Variants in ULK4 observed in about 807,000 individuals in gnomAD.
ULK4 encodes the protein inactive serine/threonine-protein kinase ULK4.
ULK4 carries 133 observed loss-of-function variants against 160.6 expected under a neutral mutation model. The ratio of observed to expected loss-of-function variants is 0.83; its 90% confidence interval spans 0.72 to 0.96. The LOEUF (loss-of-function observed/expected upper bound fraction) is 0.96. Ranked by LOEUF, ULK4 falls within the 40% of genes least tolerant of loss-of-function variation. The pLI, the probability that ULK4 is intolerant of heterozygous loss-of-function variation, is 0.00. For missense variants in ULK4, 1,580 were observed against 1,499.5 expected, an observed-to-expected ratio of 1.05 and a Z score of -0.89; for synonymous variants, 534 against 539.8, an observed-to-expected ratio of 0.99 and a Z score of 0.15.
intron 32 of ULK4, among the ~76,000 whole-genome samples, chr3:41,556,112 C>A (rs1186096730): frequency 6.6e-6 from 1 of 152,112 alleles, no homozygotes; most frequent in African/African-American, 2.4e-5. Flanking sequence ...ATAATCTGTA[C>A]AATAAACCCC....
intron 20 of ULK4, among the ~76,000 whole-genome samples, chr3:41,791,919 C>T (rs1286432131): frequency 6.6e-6 from 1 of 152,150 alleles, no homozygotes; most frequent in Non-Finnish European, 1.5e-5. Context: ...ATCACTGACT[C>T]CATTTCAAAC....
rs139757371 is a variant in ULK4 at position 41,729,516 on chromosome 3, C to T, written c.2322-11655G>A. On this transcript the variant is annotated intron_variant, in intron 22 of 36. Coordinates refer to ENST00000301831, the MANE Select transcript of ULK4 (RefSeq NM_017886.4). ...GGACCCAATAGCCACTGTATCTCCC[C>T]ACCCCAAAGGCTCCACAATACTCAA... 8.1e-4 allele frequency among the ~76,000 whole-genome samples: 123 copies of T among 152,332 alleles called. 1 individual carries two copies. Among genetic ancestry groups the T allele is most frequent in the African/African-American group, 2.8e-3 (117 of 41,570 alleles).
chr3:41,844,857 C>G (rs1199902415), intron 17 of ULK4, among the ~76,000 whole-genome samples: 3 of 151,306 alleles, frequency 2.0e-5, no homozygotes, highest in Non-Finnish European at 4.4e-5. Flanking sequence ...AATTGCACTC[C>G]TGAGCATTTA....
intron 35 of ULK4, among the ~76,000 whole-genome samples, chr3:41,292,812 T>G (rs1019509442): frequency 1.3e-5 from 2 of 151,548 alleles, no homozygotes; most frequent in African/African-American, 4.9e-5. Context: ...GGTGTGGTGG[T>G]GCATGTCTGT....
intron 18 of ULK4, among the ~76,000 whole-genome samples, chr3:41,824,033 T>C (rs1404568315): frequency 1.3e-5 from 2 of 151,822 alleles, no homozygotes; most frequent in Non-Finnish European, 2.9e-5. Flanking sequence ...TGTGGTGGTG[T>C]ACACTTGAAG....
intron 30 of ULK4, among the ~76,000 whole-genome samples, chr3:41,623,383 C>G (rs544577419): frequency 9.9e-5 from 15 of 152,198 alleles, no homozygotes; most frequent in African/African-American, 3.6e-4. Context: ...CTTAGAAAGT[C>G]CACCTTGATG....
intron 33 of ULK4, among the ~76,000 whole-genome samples, chr3:41,462,603 G>C (rs1298560948): frequency 6.6e-6 from 1 of 152,110 alleles, no homozygotes; most frequent in Non-Finnish European, 1.5e-5. Context: ...CAAGTCCATG[G>C]TATCAGTCAT....
At chr3:41,927,129 C>T (rs149060410) in intron 5 of ULK4, among the ~76,000 whole-genome samples, 13 of 152,268 alleles carry the variant, frequency 8.5e-5, no homozygotes, top group African/African-American at 3.1e-4. Flanking sequence ...AAGGGAAGCC[C>T]ATCAGACTAA....
intron 22 of ULK4, among the ~76,000 whole-genome samples, chr3:41,752,794 T>C (rs1320497252): frequency 1.3e-5 from 2 of 152,220 alleles, no homozygotes; most frequent in African/African-American, 4.8e-5. Flanking sequence ...ACACTAACTT[T>C]GATCCCCAAT....
intron 22 of ULK4, among the ~76,000 whole-genome samples, chr3:41,732,983 A>C (rs542007560): frequency 2.0e-5 from 3 of 152,258 alleles, no homozygotes; most frequent in South Asian, 4.1e-4. Context: ...GAGGACAGGG[A>C]AAGTTTGTAC....
chr3:41,809,376 TAA>T (rs34440764), intron 19 of ULK4, among the ~76,000 whole-genome samples: 18,792 of 150,464 alleles, frequency 0.12, 1,336 homozygotes, highest in Middle Eastern at 0.27. Context: ...TAAAATATGT[TAA>T]AAAAAAAATC....
At chr3:41,249,608 C>T (rs1466476196) in intron 35 of ULK4, 34 bp from the exon 36 acceptor site, 1 of 1,600,338 alleles carries the variant, frequency 6.2e-7, no homozygotes, top group Admixed American at 1.7e-5. Context: ...CAGTGGTCAG[C>T]TGACCCGTCC....
intron 30 of ULK4, among the ~76,000 whole-genome samples, chr3:41,657,341 A>G (rs953920094): frequency 5.3e-5 from 8 of 152,230 alleles, no homozygotes; most frequent in Non-Finnish European, 1.0e-4. Context: ...TAGTTATTAC[A>G]TGGTACTCTA....
intron 32 of ULK4, among the ~76,000 whole-genome samples, chr3:41,516,360 A>G (rs977530845): frequency 3.3e-5 from 5 of 152,202 alleles, no homozygotes; most frequent in Non-Finnish European, 7.3e-5. Flanking sequence ...CTTTTCAGCT[A>G]TTAAAACCAA....
chr3:41,555,336 C>A (rs1057252813), intron 32 of ULK4, among the ~76,000 whole-genome samples: 1 of 149,862 alleles, frequency 6.7e-6, no homozygotes, highest in African/African-American at 2.4e-5. Context: ...AAAAAGCAAT[C>A]CCATTACAAA....
At chr3:41,644,646 A>C (rs530564871) in intron 30 of ULK4, among the ~76,000 whole-genome samples, 1 of 151,810 alleles carries the variant, frequency 6.6e-6, no homozygotes, top group African/African-American at 2.4e-5. Flanking sequence ...ATATTGGTCT[A>C]AAATTCTCTT....
rs116139623 is a variant in ULK4, at chr3:41,920,125, C to A, written c.542-307G>T. Among the ~76,000 whole-genome samples, 507 of 152,282 alleles carry A rather than the reference C, an allele frequency of 3.3e-3. 4 individuals carry two copies. The highest frequency in any genetic ancestry group is 5.8e-3 in the Non-Finnish European group (394 of 68,010). On this transcript the variant is annotated intron_variant, in intron 5 of 36. Coordinates refer to ENST00000301831, the MANE Select transcript of ULK4 (RefSeq NM_017886.4). Reference sequence around the variant, plus strand: ...ACCTTCAATATAACAACCCCAACATCCCACTGGCTTAACAGCAAAGGTTTA... The same window carrying A: ...ACCTTCAATATAACAACCCCAACATACCACTGGCTTAACAGCAAAGGTTTA...
intron 30 of ULK4, among the ~76,000 whole-genome samples, chr3:41,635,593 C>G (rs182102018): frequency 6.6e-6 from 1 of 152,248 alleles, no homozygotes; most frequent in East Asian, 1.9e-4. Context: ...TCAACCCAAT[C>G]TCTAAAATAA....
At chr3:41,357,756 A>G (rs2081056176) in intron 35 of ULK4, among the ~76,000 whole-genome samples, 12 of 152,180 alleles carry the variant, frequency 7.9e-5, no homozygotes, top group Non-Finnish European at 1.5e-5. Context: ...CTTACGCTGT[A>G]CCTCCAAAAG....
Sources: gnomAD v4.1 joint callset for allele counts (sites outside exome capture counted in the v4.1 genomes callset) on GRCh38, gnomAD v4.1.1 for gene constraint, MANE v1.5 for transcripts, NCBI Gene and HGNC (gene_info 2026-07-23, HGNC 2026-07-21) for gene names.